CPQ: variants seen among roughly 807,000 people sequenced by gnomAD.
The protein encoded by CPQ is carboxypeptidase Q, also known as Ser-Met dipeptidase.
A neutral mutation model predicts 45.7 loss-of-function variants in CPQ; 37 were observed. The observed-to-expected ratio is 0.81, with a 90% CI of 0.62 to 1.07. The LOEUF (loss-of-function observed/expected upper bound fraction) is 1.07. CPQ is among the 50% of genes least tolerant of loss of function. The pLI, the probability that CPQ is intolerant of heterozygous loss-of-function variation, is 0.00. For synonymous variants in CPQ, 186 were observed against 205.8 expected (o/e 0.90, Z 0.82); for missense variants, 537 against 572.9 (o/e 0.94, Z 0.64).
chr8:96,683,936 T>C (rs1471757184), intron 1 of CPQ, among the ~76,000 whole-genome samples: 1 of 152,158 alleles, frequency 6.6e-6, no homozygotes, highest in Non-Finnish European at 1.5e-5. Context: ...ATTCAGCTCA[T>C]GAATTATTTT....
At chr8:96,946,182 A>G (rs1813185933) in intron 4 of CPQ, among the ~76,000 whole-genome samples, 1 of 151,952 alleles carries the variant, frequency 6.6e-6, no homozygotes, top group African/African-American at 2.4e-5. Flanking sequence ...TTTCCATAGT[A>G]GAAAGATAGA....
intron 1 of CPQ, among the ~76,000 whole-genome samples, chr8:96,687,088 G>A (rs186017580): frequency 6.0e-4 from 91 of 152,076 alleles, no homozygotes; most frequent in Non-Finnish European, 9.3e-4. Flanking sequence ...TTTGTTTCGT[G>A]TTATTTCTCC....
intron 1 of CPQ, among the ~76,000 whole-genome samples, chr8:96,774,258 G>A (rs574706081): frequency 4.0e-5 from 6 of 150,156 alleles, no homozygotes; most frequent in Admixed American, 2.0e-4. Flanking sequence ...GTGACAGAGC[G>A]AGACTCAGTC....
At chr8:96,720,486 T>C (rs1563478781) in intron 1 of CPQ, among the ~76,000 whole-genome samples, 1 of 152,228 alleles carries the variant, frequency 6.6e-6, no homozygotes, top group Non-Finnish European at 1.5e-5. Context: ...TTTTATGCTT[T>C]GCTGGAATGG....
chr8:96,982,515 T>C lies in CPQ; in HGVS notation c.961+16469T>C, dbSNP rs551844431. 5.9e-5 allele frequency among the ~76,000 whole-genome samples: 9 copies of C among 152,180 alleles called. No homozygotes were observed. In the South Asian group the frequency reaches 1.9e-3, roughly 32 times the overall value. ...CACCATACCCGGCTAATTATTAAAA[T>C]TCTTTTTTATAGAGACAGGGTCTCA... On this transcript the variant is annotated intron_variant, in intron 5 of 7. Coordinates refer to ENST00000220763, the MANE Select transcript of CPQ (RefSeq NM_016134.4).
chr8:96,743,880 G>A (rs569304189), intron 1 of CPQ, among the ~76,000 whole-genome samples: 116 of 152,356 alleles, frequency 7.6e-4, no homozygotes, highest in African/African-American at 2.6e-3. Context: ...TCTCTTCAAA[G>A]CTGTCAGACA....
At chr8:96,801,908 C>T (rs1002250971) in intron 2 of CPQ, among the ~76,000 whole-genome samples, 9 of 152,080 alleles carry the variant, frequency 5.9e-5, no homozygotes, top group African/African-American at 1.9e-4. Flanking sequence ...ATTGCAAAAT[C>T]GTGGTCAATA....
At chr8:96,987,482 G>A (rs187771997) in intron 5 of CPQ, among the ~76,000 whole-genome samples, 86 of 152,278 alleles carry the variant, frequency 5.6e-4, no homozygotes, top group African/African-American at 2.0e-3. Flanking sequence ...ACACAGCCAA[G>A]TAGAAGCAGA....
At chr8:96,850,687 A>G (rs1005557496) in intron 3 of CPQ, among the ~76,000 whole-genome samples, 5 of 151,052 alleles carry the variant, frequency 3.3e-5, no homozygotes, top group African/African-American at 1.2e-4. Context: ...TTGGCTCACC[A>G]CAACCTCTGT....
intron 1 of CPQ, among the ~76,000 whole-genome samples, chr8:96,707,699 T>G (rs549447373): frequency 9.2e-5 from 14 of 152,254 alleles, no homozygotes; most frequent in African/African-American, 3.4e-4. Context: ...ATGATTTTTT[T>G]TTTTGGCTTA....
chr8:97,112,538 A>G (rs148458736), intron 7 of CPQ, among the ~76,000 whole-genome samples: 160 of 152,352 alleles, frequency 1.1e-3, no homozygotes, highest in African/African-American at 3.8e-3. Context: ...GGAGTGGTGA[A>G]GACAAAGCTG....
intron 2 of CPQ, among the ~76,000 whole-genome samples, chr8:96,789,458 C>T (rs1295591374): frequency 6.6e-6 from 1 of 152,124 alleles, no homozygotes; most frequent in East Asian, 1.9e-4. Flanking sequence ...TGGCTGGGTT[C>T]CCTATGAGTC....
At chr8:96,991,901 C>A (rs2130407519) in intron 5 of CPQ, among the ~76,000 whole-genome samples, 1 of 152,194 alleles carries the variant, frequency 6.6e-6, no homozygotes, top group South Asian at 2.1e-4. Context: ...GGAACTGAGT[C>A]AAAAGACCCA....
At chr8:96,798,515 T>G (rs1398806522) in intron 2 of CPQ, among the ~76,000 whole-genome samples, 1 of 152,120 alleles carries the variant, frequency 6.6e-6, no homozygotes, top group Non-Finnish European at 1.5e-5. Flanking sequence ...AGTGATATGA[T>G]GCAGTTCCAT....
intron 2 of CPQ, among the ~76,000 whole-genome samples, chr8:96,789,858 C>G (rs1810823921): frequency 6.6e-6 from 1 of 152,150 alleles, no homozygotes; most frequent in African/African-American, 2.4e-5. Context: ...CTGTGTGCAG[C>G]TTGGGAAATG....
At chr8:97,073,292 T>A (rs1810784555) in intron 7 of CPQ, among the ~76,000 whole-genome samples, 1 of 152,188 alleles carries the variant, frequency 6.6e-6, no homozygotes, top group South Asian at 2.1e-4. Flanking sequence ...TCTAAAATGT[T>A]CTAAGAAAGG....
chr8:96,653,748 C>T (rs1355161995), intron 1 of CPQ, among the ~76,000 whole-genome samples: 2 of 152,130 alleles, frequency 1.3e-5, no homozygotes, highest in Non-Finnish European at 1.5e-5. Flanking sequence ...TAAAGGTCTT[C>T]ACTCTTGTCA....
In CPQ at chr8:96,737,713, G is replaced by A. The variant is rs150727698; in HGVS notation, c.-34-47151G>A. 4.7e-3 allele frequency among the ~76,000 whole-genome samples: 721 copies of A among 151,924 alleles called. 11 individuals carry two copies. Among genetic ancestry groups the A allele is most frequent in the African/African-American group, 0.012 (507 of 41,390 alleles). ...CAGGATTAATACTTTGTATCCCTCA[G>A]TCCAATCAAGTTGACACTCATTATT... On this transcript the variant is annotated intron_variant, in intron 1 of 7. Coordinates refer to ENST00000220763, the MANE Select transcript of CPQ (RefSeq NM_016134.4).
chr8:97,123,964 G>T (rs1811799973), intron 7 of CPQ, among the ~76,000 whole-genome samples: 1 of 151,994 alleles, frequency 6.6e-6, no homozygotes, highest in African/African-American at 2.4e-5. Context: ...AAGACACAGT[G>T]ATCTTAAAAG....
Sources: allele counts gnomAD v4.1 joint callset (sites outside exome capture counted in the v4.1 genomes callset), GRCh38; gene constraint gnomAD v4.1.1; transcripts MANE v1.5; gene names NCBI Gene and HGNC (gene_info 2026-07-23, HGNC 2026-07-21).